ERBB4: variants seen among roughly 807,000 people sequenced by gnomAD.
ERBB4 encodes the protein receptor tyrosine-protein kinase erbB-4.
ERBB4 carries 42 observed loss-of-function variants against 158.0 expected under a neutral mutation model. The observed-to-expected ratio is 0.27, with a 90% CI of 0.21 to 0.34. ERBB4 has a LOEUF of 0.34. Ranked by LOEUF, ERBB4 falls within the 10% of genes least tolerant of loss-of-function variation. ERBB4 has a pLI of 1.00. For missense variants in ERBB4, 1,333 were observed against 1,624.1 expected, an observed-to-expected ratio of 0.82 and a Z score of 3.08; for synonymous variants, 583 against 558.7, an observed-to-expected ratio of 1.04 and a Z score of -0.61.
intron 12 of ERBB4, among the ~76,000 whole-genome samples, chr2:211,690,494 G>C (rs146296139): frequency 6.6e-6 from 1 of 152,110 alleles, no homozygotes; most frequent in African/African-American, 2.4e-5. Context: ...CCCAATTTCA[G>C]AGCAGTTTCG....
chr2:211,851,122 C>T (rs2077711458), intron 3 of ERBB4, among the ~76,000 whole-genome samples: 2 of 151,824 alleles, frequency 1.3e-5, no homozygotes, highest in African/African-American at 4.8e-5. Context: ...AAGTAGTATA[C>T]AACACTTTTT....
chr2:212,206,832 C>T (rs2082774234), intron 1 of ERBB4, among the ~76,000 whole-genome samples: 1 of 151,834 alleles, frequency 6.6e-6, no homozygotes, highest in Non-Finnish European at 1.5e-5. Context: ...TCGTGATCCG[C>T]CCACCTCGGC....
At chr2:211,580,288 C>T (rs1215681976) in intron 19 of ERBB4, among the ~76,000 whole-genome samples, 1 of 152,048 alleles carries the variant, frequency 6.6e-6, no homozygotes, top group Non-Finnish European at 1.5e-5. Context: ...CGAAATCAAA[C>T]ATATTAGCAA....
chr2:211,771,622 C>T (rs1559503065), intron 4 of ERBB4, among the ~76,000 whole-genome samples: 1 of 152,138 alleles, frequency 6.6e-6, no homozygotes, highest in Non-Finnish European at 1.5e-5. Flanking sequence ...GAAAATGATG[C>T]TGAAGAGTCA....
At chr2:212,229,942 A>T (rs2083606476) in intron 1 of ERBB4, among the ~76,000 whole-genome samples, 1 of 152,146 alleles carries the variant, frequency 6.6e-6, no homozygotes, top group African/African-American at 2.4e-5. Context: ...GTTGGCCAAT[A>T]CCTAAGCAAA....
intron 3 of ERBB4, among the ~76,000 whole-genome samples, chr2:211,944,175 T>TATAC (rs1166139329): frequency 6.2e-5 from 2 of 32,486 alleles, no homozygotes; most frequent in East Asian, 4.8e-4. Context: ...TATATATATA[T>TATAC]ACTATATATA....
rs927135688 is a variant in ERBB4, at chr2:211,382,364, C to A, written c.*1251G>T. The A allele has an allele frequency of 8.6e-6, 2 of 232,290 alleles. No individual in the cohort carries two copies. The highest frequency in any genetic ancestry group is 1.8e-4 in the South Asian group (1 of 5,514). 14.4% of individuals were successfully genotyped at this position (232,290 alleles called of 1,614,324 possible). A position where few individuals can be genotyped will look rare whatever the true frequency, so the allele number is the denominator to read the frequency against. ...GCCTCTCATCATAGTCCCTGGATAC[C>A]GTTGCAAGGTTCCTAATTTGCTTGG... On this transcript the variant is annotated 3_prime_UTR_variant, in exon 28 of 28. Coordinates refer to ENST00000342788, the MANE Select transcript of ERBB4 (RefSeq NM_005235.3).
At chr2:211,826,981 G>A (rs182183803) in intron 3 of ERBB4, among the ~76,000 whole-genome samples, 7 of 152,010 alleles carry the variant, frequency 4.6e-5, no homozygotes, top group African/African-American at 9.6e-5. Context: ...GCAGGTACAC[G>A]GTTTTCAGTT....
At chr2:211,963,586 T>A (rs1220042100) in intron 2 of ERBB4, among the ~76,000 whole-genome samples, 1 of 152,148 alleles carries the variant, frequency 6.6e-6, no homozygotes, top group Non-Finnish European at 1.5e-5. Flanking sequence ...TAAATAAATA[T>A]CTATTTATAA....
chr2:212,490,853 G>C (rs144905578), intron 1 of ERBB4, among the ~76,000 whole-genome samples: 2 of 151,740 alleles, frequency 1.3e-5, no homozygotes, highest in African/African-American at 4.8e-5. Flanking sequence ...TGGCTTTAAG[G>C]CCTCCACAAA....
intron 5 of ERBB4, among the ~76,000 whole-genome samples, chr2:211,747,808 T>C (rs1003524752): frequency 2.0e-5 from 3 of 151,832 alleles, no homozygotes; most frequent in Admixed American, 1.3e-4. Context: ...ATATTCACCA[T>C]CTATGTATAT....
Position 211,987,341 on chromosome 2 carries a change from A to AAAAAAAAAAAAAAAAG in ERBB4, c.235-39726_235-39725insCTTTTTTTTTTTTTTT, listed in dbSNP as rs1215048952. Among the ~76,000 whole-genome samples the AAAAAAAAAAAAAAAAG allele has an allele frequency of 3.0e-3, 372 of 124,338 alleles. 1 individual carries two copies. Among genetic ancestry groups the AAAAAAAAAAAAAAAAG allele is most frequent in the Non-Finnish European group, 4.8e-3 (290 of 60,880 alleles). 81.6% of individuals were successfully genotyped at this position (124,338 alleles called of 152,430 possible). A position where few individuals can be genotyped will look rare whatever the true frequency, so the allele number is the denominator to read the frequency against. ...ATCTCAAGAAAAGACAAAAAAAAAA[A>AAAAAAAAAAAAAAAAG]AAAGAAAGAAATCTATCACCCATGA... On this transcript the variant is annotated intron_variant, in intron 2 of 27. Transcript: ENST00000342788.
At chr2:211,805,651 A>G (rs2076596745) in intron 3 of ERBB4, among the ~76,000 whole-genome samples, 1 of 152,180 alleles carries the variant, frequency 6.6e-6, no homozygotes, top group South Asian at 2.1e-4. Flanking sequence ...TGTCACAGTC[A>G]GTCAATGTGG....
At chr2:212,355,820 G>A (rs1020590273) in intron 1 of ERBB4, among the ~76,000 whole-genome samples, 103 of 152,006 alleles carry the variant, frequency 6.8e-4, no homozygotes, top group African/African-American at 2.4e-3. Flanking sequence ...ATGTGTGAGT[G>A]TGTATATATA....
chr2:211,745,991 T>C (rs1230406947), intron 5 of ERBB4, among the ~76,000 whole-genome samples: 3 of 152,220 alleles, frequency 2.0e-5, no homozygotes, highest in African/African-American at 7.2e-5. Context: ...CCTTTAATCA[T>C]TTCCTCTGCT....
At chr2:212,035,641 T>C (rs1416776599) in intron 2 of ERBB4, among the ~76,000 whole-genome samples, 2 of 152,216 alleles carry the variant, frequency 1.3e-5, no homozygotes, top group Admixed American at 6.6e-5. Flanking sequence ...CATAAAATCT[T>C]TGATGGCAAG....
At chr2:211,813,121 T>C (rs1283336826) in intron 3 of ERBB4, among the ~76,000 whole-genome samples, 3 of 152,234 alleles carry the variant, frequency 2.0e-5, no homozygotes, top group Admixed American at 2.0e-4. Context: ...ACCTGTCTTC[T>C]GCGTCAATCA....
intron 2 of ERBB4, among the ~76,000 whole-genome samples, chr2:212,015,498 C>T (rs559229797): frequency 1.3e-5 from 2 of 152,204 alleles, no homozygotes; most frequent in Admixed American, 1.3e-4. Flanking sequence ...AATTTTGTGC[C>T]TGGGACCTGT....
At chr2:212,450,653 A>G (rs967541642) in intron 1 of ERBB4, among the ~76,000 whole-genome samples, 3 of 152,122 alleles carry the variant, frequency 2.0e-5, no homozygotes, top group African/African-American at 7.2e-5. Flanking sequence ...TTGAGCCACT[A>G]TGTTCTTAGT....
Sources: gnomAD v4.1 joint callset for allele counts (sites outside exome capture counted in the v4.1 genomes callset) on GRCh38, gnomAD v4.1.1 for gene constraint, MANE v1.5 for transcripts, NCBI Gene and HGNC (gene_info 2026-07-23, HGNC 2026-07-21) for gene names.